The following GLS variants were observed in gnomAD, a reference collection of about 807,000 sequenced individuals.
GLS encodes glutaminase kidney isoform, mitochondrial.
GLS carries 36 observed loss-of-function variants against 86.7 expected under a neutral mutation model. The observed-to-expected ratio is 0.42, with a 90% CI of 0.32 to 0.55. The LOEUF (loss-of-function observed/expected upper bound fraction) is 0.55, where lower values mean the gene tolerates loss of function less well. Ranked by LOEUF, GLS falls within the 20% of genes least tolerant of loss-of-function variation. The pLI, the probability that GLS is intolerant of heterozygous loss-of-function variation, is 0.17. For missense variants in GLS, 528 were observed against 833.4 expected, an observed-to-expected ratio of 0.63 and a Z score of 4.51; for synonymous variants, 317 against 305.9, an observed-to-expected ratio of 1.04 and a Z score of -0.38.
In GLS at chr2:190,963,774, C is replaced by T. The variant is rs1440920078; in HGVS notation, c.*788C>T. On this transcript the variant is annotated 3_prime_UTR_variant, in exon 18 of 18. Coordinates refer to ENST00000320717, the MANE Select transcript of GLS (RefSeq NM_014905.5). ...TCCATAGTAAGTCAGAAAATGCCTC[C>T]TATTTCTGGCATCAGAACTTTGCCA... The T allele has an allele frequency of 6.6e-6, 1 of 152,420 alleles. No homozygotes were observed. 9.4% of individuals were successfully genotyped at this position (152,420 alleles called of 1,614,324 possible). A position where few individuals can be genotyped will look rare whatever the true frequency, so the allele number is the denominator to read the frequency against.
rs1688130379 is a variant in GLS, at chr2:190,880,951, A to G, written c.-134A>G. 8 of 1,098,276 alleles carry G rather than the reference A, an allele frequency of 7.3e-6. No individual in the cohort carries two copies. The South Asian group carries it at 1.1e-4, about 15-fold the overall frequency. The allele number at this position is 1,098,276 out of a possible 1,614,324, so 68.0% of individuals were successfully genotyped here. On this transcript the variant is annotated 5_prime_UTR_variant, in exon 1 of 18. Transcript: ENST00000320717. ...ATCCGCTGCGGGAGTCCGAGCCGGA[A>G]CCACACCCAAGTAGCTGCCCTTTCC...
rs1411716300 is a variant in GLS, at chr2:190,924,263, T to G, written c.1197+280T>G. Among the ~76,000 whole-genome samples the G allele has an allele frequency of 6.6e-6, 1 of 152,216 alleles. No individual in the cohort carries two copies. Among genetic ancestry groups the G allele is most frequent in the Non-Finnish European group, 1.5e-5 (1 of 68,030 alleles). ...TTTTTTCAAAAGCATGATGCCTGAT[T>G]ACTGTTAACTACTCTTGATTTTTTT... is the stretch of plus-strand genomic sequence containing the variant. On this transcript the variant is annotated intron_variant, in intron 10 of 17. Coordinates refer to ENST00000320717, the MANE Select transcript of GLS (RefSeq NM_014905.5). This position sits in a 1 kb window ranked among gnomAD's most constrained non-coding sequence, Gnocchi z 5.2.
chr2:190,895,875 C>T lies in GLS; in HGVS notation c.605+150C>T, dbSNP rs554324472. ...CATCATTTGTTTGAAGAACTTGGTA[C>T]ATATTAGGTTCTATAATACACCGGG... On this transcript the variant is annotated intron_variant, in intron 3 of 17. Transcript: ENST00000320717. This position sits in a 1 kb window ranked among gnomAD's most constrained non-coding sequence, Gnocchi z 4.2. The T allele has an allele frequency of 6.3e-5, 35 of 551,528 alleles. No individual in the cohort carries two copies. The South Asian group carries it at 8.2e-4, about 13-fold the overall frequency. The allele number at this position is 551,528 out of a possible 1,614,324, so 34.2% of individuals were successfully genotyped here. A position where few individuals can be genotyped will look rare whatever the true frequency, so the allele number is the denominator to read the frequency against.
At chr2:190,958,292 C>A (rs1197270935) in intron 17 of GLS, among the ~76,000 whole-genome samples, 1 of 152,158 alleles carries the variant, frequency 6.6e-6, no homozygotes, top group Non-Finnish European at 1.5e-5. Flanking sequence ...TCCCCTTTAT[C>A]ATTTTTTATT....
chr2:190,946,179 T>A (rs1406845600), intron 14 of GLS, among the ~76,000 whole-genome samples: 1 of 152,182 alleles, frequency 6.6e-6, no homozygotes, highest in Non-Finnish European at 1.5e-5. Flanking sequence ...CAGGTTTACT[T>A]TTACCCTTGG....
chr2:190,948,891 TGTG>T (rs551834257), intron 14 of GLS, among the ~76,000 whole-genome samples: 16 of 152,160 alleles, frequency 1.1e-4, no homozygotes, highest in Non-Finnish European at 2.1e-4. Flanking sequence ...GATCCAGGGT[TGTG>T]GTGGGAGTGG....
intron 11 of GLS, 65 bp from the exon 12 acceptor site, chr2:190,927,241 A>C: frequency 2.6e-6 from 3 of 1,145,462 alleles, no homozygotes; most frequent in Non-Finnish European, 1.2e-6. Context: ...AATAAAATAG[A>C]TTATCTTAAA....
At chr2:190,960,646 G>C (rs1353945007) in intron 17 of GLS, among the ~76,000 whole-genome samples, 46 of 152,058 alleles carry the variant, frequency 3.0e-4, no homozygotes, top group Admixed American at 3.0e-3. Context: ...AAAGTGTTGG[G>C]ATTACAGGTG....
At chr2:190,911,793 A>G (rs896046189) in intron 7 of GLS, among the ~76,000 whole-genome samples, 6 of 152,154 alleles carry the variant, frequency 3.9e-5, no homozygotes, top group African/African-American at 7.2e-5. Context: ...TCCACATACC[A>G]TAATTTTACA....
In GLS at chr2:190,921,467, A is replaced by G. The variant is rs532818912; in HGVS notation, c.1130+264A>G. ...CTTACCTCTCTTCTATTTCTGTTCC[A>G]GGCTATCTGGATTTTTACCCCAATT... is the stretch of plus-strand genomic sequence containing the variant. On this transcript the variant is annotated intron_variant, in intron 9 of 17. Coordinates refer to ENST00000320717, the MANE Select transcript of GLS (RefSeq NM_014905.5). This position sits in a 1 kb window ranked among gnomAD's most constrained non-coding sequence, Gnocchi z 4.2. Among the ~76,000 whole-genome samples, 1 of 152,030 alleles carries G rather than the reference A, an allele frequency of 6.6e-6. No individual in the cohort carries two copies. The highest frequency in any genetic ancestry group is 6.5e-5 in the Admixed American group (1 of 15,268).
In GLS at chr2:190,881,314, C is replaced by T. The variant is rs1688160755; in HGVS notation, c.230C>T (p.Ser77Leu). The T allele has an allele frequency of 2.0e-6, 3 of 1,513,254 alleles. No individual in the cohort carries two copies. The highest frequency in any genetic ancestry group is 2.7e-6 in the Non-Finnish European group (3 of 1,131,136). The allele number at this position is 1,513,254 out of a possible 1,614,324, so 93.7% of individuals were successfully genotyped here. The change falls in exon 1 of 18, where the codon TCG becomes TTG. Residue 77 changes from serine to leucine, a missense_variant. Transcript: ENST00000320717. The part of the protein sequence containing the change: ...PLARGLSSSP[S>L]EILQELGKGS... ...GCGCGGGGCCTGTCCAGCTCTCCTT[C>T]GGAGATCTTGCAGGAGCTGGGCAAG...
At chr2:190,903,359 A>G (rs1413062305) in intron 5 of GLS, among the ~76,000 whole-genome samples, 3 of 152,120 alleles carry the variant, frequency 2.0e-5, no homozygotes, top group African/African-American at 4.8e-5. Flanking sequence ...CTTCTAGTCT[A>G]TTTTTTCTTT....
rs11363248 is a variant in GLS at position 190,913,042 on chromosome 2, ATT to A, written c.1038+2731_1038+2732del. On this transcript the variant is annotated intron_variant, in intron 7 of 17. Coordinates refer to ENST00000320717, the MANE Select transcript of GLS (RefSeq NM_014905.5). The surrounding 1 kb of genome is among the most constrained non-coding windows in gnomAD (Gnocchi z 6.1). ...ATTGATGACCTTAAGGCTATTTGTGATTTTTTTTTTTCTTTCAAAATTCAGGA... is the reference window on the plus strand; with the variant it reads ...ATTGATGACCTTAAGGCTATTTGTGATTTTTTTTTCTTTCAAAATTCAGGA... Among the ~76,000 whole-genome samples the A allele has an allele frequency of 8.6e-5, 13 of 151,032 alleles. No individual in the cohort carries two copies. Among genetic ancestry groups the A allele is most frequent in the East Asian group, 3.9e-4 (2 of 5,160 alleles).
chr2:190,942,625 A>G lies in GLS; in HGVS notation c.1651-10940A>G, dbSNP rs563610092. Among the ~76,000 whole-genome samples the G allele has an allele frequency of 3.3e-5, 5 of 152,314 alleles. No individual in the cohort carries two copies. In the South Asian group the frequency reaches 1.0e-3, roughly 32 times the overall value. On this transcript the variant is annotated intron_variant, in intron 14 of 17. Transcript: ENST00000320717. The stretch of plus-strand genomic sequence containing the variant: ...TCAAGCTGACTACCAGGTTTTTAGT[A>G]TGAGCAACAGGGCCAAAGCTGCTGC...
intron 7 of GLS, chr2:190,919,561 G>GT (rs1045760265): frequency 1.5e-5 from 3 of 201,342 alleles, no homozygotes; most frequent in Non-Finnish European, 2.6e-5. Context: ...CAAAAGAGTT[G>GT]TTTTTTTGTG....
intron 9 of GLS, among the ~76,000 whole-genome samples, chr2:190,922,113 C>T (rs907834430): frequency 2.6e-5 from 4 of 152,024 alleles, no homozygotes; most frequent in African/African-American, 9.7e-5. Flanking sequence ...GTGTACCATA[C>T]GGTCTGTGTT....
Position 190,954,988 on chromosome 2 carries a change from C to A in GLS, c.1853+170C>A, listed in dbSNP as rs1419209038. On this transcript the variant is annotated intron_variant, in intron 17 of 17. Coordinates refer to ENST00000320717, the MANE Select transcript of GLS (RefSeq NM_014905.5). The surrounding 1 kb of genome is among the most constrained non-coding windows in gnomAD (Gnocchi z 4.0). ...AGATAGGTAATTCTGTCTCCCATAT[C>A]CTGTTTCTTATCTAAGAATGGTGTC... Among the ~76,000 whole-genome samples the A allele has an allele frequency of 6.6e-6, 1 of 151,954 alleles. No individual in the cohort carries two copies. The highest frequency in any genetic ancestry group is 1.9e-4 in the East Asian group (1 of 5,192).
chr2:190,942,066 A>ATTTTTTTTT (rs1160472609), intron 14 of GLS, among the ~76,000 whole-genome samples: 5 of 50,728 alleles, frequency 9.9e-5, no homozygotes, highest in Admixed American at 3.1e-4. Flanking sequence ...AACTTTGAAG[A>ATTTTTTTTT]CTTTTTTTTT....
At chr2:190,916,149 G>A (rs1406803319) in intron 7 of GLS, among the ~76,000 whole-genome samples, 1 of 152,100 alleles carries the variant, frequency 6.6e-6, no homozygotes, top group African/African-American at 2.4e-5. Flanking sequence ...ATCAATTACT[G>A]TTTCAAATGG....
Sources: gnomAD v4.1 joint callset for allele counts (sites outside exome capture counted in the v4.1 genomes callset) on GRCh38, gnomAD v4.1.1 for gene constraint, Gnocchi (gnomAD v3.1) non-coding constraint, MANE v1.5 for transcripts, NCBI Gene and HGNC (gene_info 2026-07-23, HGNC 2026-07-21) for gene names.